The following LRRC3B variants were observed in gnomAD, a reference collection of about 807,000 sequenced individuals.
LRRC3B encodes leucine-rich repeat-containing protein 3B.
Under a neutral mutation model 12.8 loss-of-function variants are expected in LRRC3B, and 2 were observed. That is an observed-to-expected ratio of 0.16 (90% CI 0.06 to 0.49). LRRC3B has a LOEUF of 0.49. Ranked by LOEUF, LRRC3B falls within the 20% of genes least tolerant of loss-of-function variation. The pLI, the probability that LRRC3B is intolerant of heterozygous loss-of-function variation, is 0.96. For missense variants in LRRC3B, 189 were observed against 319.4 expected (o/e 0.59, Z 3.11); for synonymous variants, 132 against 122.0 (o/e 1.08, Z -0.54).
chr3:26,671,366 A>ATG, intron 1 of LRRC3B, among the ~76,000 whole-genome samples: 1 of 81,390 alleles, frequency 1.2e-5, no homozygotes, highest in African/African-American at 5.5e-5. Flanking sequence ...ATATATATAT[A>ATG]TATATATAGA....
intron 1 of LRRC3B, among the ~76,000 whole-genome samples, chr3:26,641,542 C>T (rs1699031399): frequency 6.6e-6 from 1 of 152,116 alleles, no homozygotes; most frequent in Non-Finnish European, 1.5e-5. Flanking sequence ...GTAGCTAAGT[C>T]AACACAATAG....
intron 1 of LRRC3B, among the ~76,000 whole-genome samples, chr3:26,653,113 G>T (rs373169721): frequency 7.4e-6 from 1 of 134,868 alleles, no homozygotes; most frequent in South Asian, 2.4e-4. Context: ...AAAAAAAAAA[G>T]AAAAATGAGT....
chr3:26,640,955 T>C (rs1441112990), intron 1 of LRRC3B, among the ~76,000 whole-genome samples: 2 of 152,196 alleles, frequency 1.3e-5, no homozygotes, highest in African/African-American at 4.8e-5. Flanking sequence ...AGAGTCCTTA[T>C]GAATGACATA....
At chr3:26,695,361 A>G (rs898740672) in intron 1 of LRRC3B, among the ~76,000 whole-genome samples, 1 of 152,146 alleles carries the variant, frequency 6.6e-6, no homozygotes, top group Non-Finnish European at 1.5e-5. Context: ...CCCAGTCTCT[A>G]CTAAAAATAC....
At chr3:26,623,129 G>T (rs536822401) in exon 1 of LRRC3B, 1 of 152,268 alleles carries the variant, frequency 6.6e-6, no homozygotes, top group East Asian at 1.9e-4. Flanking sequence ...GTTGGAGGTG[G>T]CGGCCGCTGC....
chr3:26,656,247 G>A (rs1699369999), intron 1 of LRRC3B, among the ~76,000 whole-genome samples: 1 of 152,156 alleles, frequency 6.6e-6, no homozygotes, highest in African/African-American at 2.4e-5. Context: ...TTGCAGCGAA[G>A]ATCGTCTAAT....
intron 1 of LRRC3B, among the ~76,000 whole-genome samples, chr3:26,627,600 A>G (rs1698656626): frequency 6.6e-6 from 1 of 152,092 alleles, no homozygotes; most frequent in Admixed American, 6.5e-5. Context: ...CAGAGAGCCA[A>G]CGTGCACTAA....
rs1466620108 is a variant in LRRC3B at position 26,671,365 on chromosome 3, T to TAG, written c.-160-38147_-160-38146insGA. Among the ~76,000 whole-genome samples the TAG allele has an allele frequency of 3.3e-3, 142 of 43,436 alleles. 3 individuals are homozygous for TAG. Among genetic ancestry groups the TAG allele is most frequent in the East Asian group, 0.019 (14 of 738 alleles). The allele number at this position is 43,436 out of a possible 152,430, so 28.5% of individuals were successfully genotyped here. On this transcript the variant is annotated intron_variant, in intron 1 of 1. Coordinates refer to ENST00000396641, the Ensembl canonical transcript of LRRC3B. ...ATATATGTGTGTATATATATATATATATATATATAGAGAGAGAGAGAGAGA... is the reference window on the plus strand; with the variant it reads ...ATATATGTGTGTATATATATATATATAGATATATATAGAGAGAGAGAGAGAGA...
intron 1 of LRRC3B, among the ~76,000 whole-genome samples, chr3:26,640,689 G>A (rs1699012219): frequency 6.6e-6 from 1 of 152,212 alleles, no homozygotes; most frequent in Admixed American, 6.5e-5. Context: ...GCAGTTGTAG[G>A]AGGAAGAGAG....
At chr3:26,675,951 A>G (rs565578441) in intron 1 of LRRC3B, among the ~76,000 whole-genome samples, 13 of 151,108 alleles carry the variant, frequency 8.6e-5, no homozygotes, top group Non-Finnish European at 1.3e-4. Context: ...CATTTTTTTT[A>G]TAGTTATAAA....
At chr3:26,710,426 C>T (rs1469253772) in exon 2 of LRRC3B, 4 of 1,611,970 alleles carry the variant, frequency 2.5e-6, no homozygotes, top group Middle Eastern at 3.3e-4. Flanking sequence ...AGCAGATGAA[C>T]CTGATGATAT....
chr3:26,677,758 GATAA>G (rs1163203883), intron 1 of LRRC3B, among the ~76,000 whole-genome samples: 1 of 151,786 alleles, frequency 6.6e-6, no homozygotes, highest in African/African-American at 2.4e-5. Flanking sequence ...TCACCAATAT[GATAA>G]ATAGCCATTT....
rs548737594 is a variant in LRRC3B at position 26,660,141 on chromosome 3, A to G, written c.-161+36904A>G. On this transcript the variant is annotated intron_variant, in intron 1 of 1. Coordinates refer to ENST00000396641, the Ensembl canonical transcript of LRRC3B. ...ATCCCTCCTCAGTCTAAGATTTCAG[A>G]GGACCTGATAATACAGAATTGTGAT... Among the ~76,000 whole-genome samples, 3 of 152,264 alleles carry G rather than the reference A, an allele frequency of 2.0e-5. No homozygotes were observed. In the East Asian group the frequency reaches 5.8e-4, roughly 29 times the overall value.
intron 1 of LRRC3B, among the ~76,000 whole-genome samples, chr3:26,655,905 T>C (rs1377957741): frequency 6.6e-6 from 1 of 152,168 alleles, no homozygotes; most frequent in Non-Finnish European, 1.5e-5. Flanking sequence ...ATCACCTTTT[T>C]ACAGACAAGG....
intron 1 of LRRC3B, among the ~76,000 whole-genome samples, chr3:26,630,699 A>C (rs77623382): frequency 0.035 from 5,325 of 152,224 alleles, 167 homozygotes; most frequent in East Asian, 0.13. Context: ...CTTCACAAAC[A>C]AAGTTGCGAC....
chr3:26,702,337 C>T (rs746983512), intron 1 of LRRC3B, among the ~76,000 whole-genome samples: 4 of 152,178 alleles, frequency 2.6e-5, no homozygotes, highest in Non-Finnish European at 4.4e-5. Context: ...ATGCATCTGT[C>T]TGCCTTGTCA....
At chr3:26,643,722 TC>T (rs1699083356) in intron 1 of LRRC3B, among the ~76,000 whole-genome samples, 2 of 152,162 alleles carry the variant, frequency 1.3e-5, no homozygotes, top group Non-Finnish European at 2.9e-5. Context: ...TTCAATCTTG[TC>T]TGTTGAATGA....
At chr3:26,677,320 C>T (rs1699880551) in intron 1 of LRRC3B, among the ~76,000 whole-genome samples, 1 of 152,156 alleles carries the variant, frequency 6.6e-6, no homozygotes, top group African/African-American at 2.4e-5. Context: ...GTGTACTTCC[C>T]ATAAACTGTA....
chr3:26,659,480 A>G (rs1699448107), intron 1 of LRRC3B, among the ~76,000 whole-genome samples: 1 of 152,240 alleles, frequency 6.6e-6, no homozygotes. Flanking sequence ...AATACATATG[A>G]AAGTTTATAA....
Sources: allele counts gnomAD v4.1 joint callset (sites outside exome capture counted in the v4.1 genomes callset), GRCh38; gene constraint gnomAD v4.1.1; transcripts MANE v1.5; gene names NCBI Gene and HGNC (gene_info 2026-07-23, HGNC 2026-07-21).